Variants in ERC2 observed in about 807,000 individuals in gnomAD.
The protein encoded by ERC2 is ELKS/RAB6-interacting/CAST family member 2.
ERC2 carries 42 observed loss-of-function variants against 114.8 expected under a neutral mutation model. The ratio of observed to expected loss-of-function variants is 0.37; its 90% CI spans 0.29 to 0.47. The LOEUF is 0.47. Ranked by LOEUF, ERC2 falls within the 20% of genes least tolerant of loss-of-function variation. The pLI is 0.99. For missense variants in ERC2, 939 were observed against 1,150.7 expected, an observed-to-expected ratio of 0.82 and a Z score of 2.66; for synonymous variants, 454 against 425.5, an observed-to-expected ratio of 1.07 and a Z score of -0.82.
intron 5 of ERC2, among the ~76,000 whole-genome samples, chr3:56,141,979 G>A (rs2080883202): frequency 6.6e-6 from 1 of 151,930 alleles, no homozygotes; most frequent in Non-Finnish European, 1.5e-5. Flanking sequence ...CCTTTAATGT[G>A]TTTGGAAATG....
At chr3:56,304,654 G>C (rs1388818526) in intron 2 of ERC2, among the ~76,000 whole-genome samples, 1 of 152,052 alleles carries the variant, frequency 6.6e-6, no homozygotes, top group Non-Finnish European at 1.5e-5. Context: ...ATATTAAAAA[G>C]GTAATACATC....
chr3:56,377,906 C>T (rs898018764), intron 2 of ERC2, among the ~76,000 whole-genome samples: 1 of 151,914 alleles, frequency 6.6e-6, no homozygotes, highest in Admixed American at 6.6e-5. Context: ...GAGCATCCAA[C>T]CTAGCAAGCA....
intron 7 of ERC2, among the ~76,000 whole-genome samples, chr3:56,078,666 C>T (rs1029281117): frequency 2.6e-5 from 4 of 152,116 alleles, no homozygotes; most frequent in Admixed American, 1.3e-4. Context: ...TGTAACATAA[C>T]CTTGGCCAAT....
At chr3:55,605,262 T>C (rs979691696) in intron 17 of ERC2, among the ~76,000 whole-genome samples, 25 of 152,112 alleles carry the variant, frequency 1.6e-4, no homozygotes, top group African/African-American at 5.8e-4. Context: ...ACTACAGGCA[T>C]GCACCACCAT....
intron 13 of ERC2, among the ~76,000 whole-genome samples, chr3:55,928,771 G>C (rs574069185): frequency 6.6e-6 from 1 of 152,150 alleles, no homozygotes; most frequent in Non-Finnish European, 1.5e-5. Flanking sequence ...TCTACATTTT[G>C]ATTTGATTTT....
chr3:55,561,679 T>TTTTTTTTTCCCC (rs1344257637), intron 17 of ERC2, among the ~76,000 whole-genome samples: 4 of 152,302 alleles, frequency 2.6e-5, no homozygotes, highest in Non-Finnish European at 4.4e-5. Flanking sequence ...ACTCGCTTTT[T>TTTTTTTTTCCCC]TTCTTGCCCT....
At chr3:56,032,917 A>AAGAAAGAGAGAGAGAGAGAC (rs2074482382) in intron 7 of ERC2, among the ~76,000 whole-genome samples, 10 of 76,012 alleles carry the variant, frequency 1.3e-4, no homozygotes, top group Non-Finnish European at 2.3e-4. Context: ...GAAAGAAAGA[A>AAGAAAGAGAGAGAGAGAGAC]AGAAAGAAAG....
intron 3 of ERC2, among the ~76,000 whole-genome samples, chr3:56,190,485 G>C (rs1158747071): frequency 6.6e-6 from 1 of 152,204 alleles, no homozygotes; most frequent in Non-Finnish European, 1.5e-5. Flanking sequence ...CCAGGCTAGA[G>C]TACAGTGGTG....
chr3:56,403,708 T>C (rs1344584602), intron 2 of ERC2, among the ~76,000 whole-genome samples: 1 of 152,208 alleles, frequency 6.6e-6, no homozygotes, highest in Non-Finnish European at 1.5e-5. Flanking sequence ...CCCAAACATC[T>C]GAGGTCACTT....
chr3:55,793,287 G>A (rs1016791043), intron 14 of ERC2, among the ~76,000 whole-genome samples: 1 of 152,246 alleles, frequency 6.6e-6, no homozygotes, highest in East Asian at 1.9e-4. Context: ...GAGAACTCCT[G>A]GTTTAGCCTT....
chr3:55,785,356 G>A (rs2069400061), intron 14 of ERC2, among the ~76,000 whole-genome samples: 1 of 152,156 alleles, frequency 6.6e-6, no homozygotes, highest in Admixed American at 6.5e-5. Flanking sequence ...AGATGCTGTT[G>A]AACTCATAAG....
chr3:56,070,288 T>C (rs954209810), intron 7 of ERC2, among the ~76,000 whole-genome samples: 4 of 152,162 alleles, frequency 2.6e-5, no homozygotes, highest in African/African-American at 9.6e-5. Flanking sequence ...CTGAAATATG[T>C]AAAGGCTCAA....
chr3:56,367,829 T>C (rs1405449640), intron 2 of ERC2, among the ~76,000 whole-genome samples: 1 of 149,092 alleles, frequency 6.7e-6, no homozygotes, highest in East Asian at 2.0e-4. Context: ...TTAAAAAAAA[T>C]CAAGAGCTGA....
chr3:56,210,135 T>C (rs11707901), intron 3 of ERC2, among the ~76,000 whole-genome samples: 45,892 of 152,088 alleles, frequency 0.3, 8,493 homozygotes, highest in Middle Eastern at 0.42. Context: ...TAGTTCTCTT[T>C]TGTGCAAGAG....
In ERC2 at chr3:56,434,884, T is replaced by G. The variant is rs1284031046; in HGVS notation, c.124A>C (p.Lys42Gln). 5 of 1,613,764 alleles carry G rather than the reference T, an allele frequency of 3.1e-6. No individual in the cohort carries two copies. The highest frequency in any genetic ancestry group is 4.2e-6 in the Non-Finnish European group (5 of 1,179,892). ...TSSGGGGGTG[K>Q]TLSMENIQSL... ...TGGATATTCTCCATAGACAGAGTCT[T>G]GCCTGTTCCTCCACCTCCCCCACTA... is the stretch of plus-strand genomic sequence containing the variant. The change falls in exon 2 of 18, where the codon AAG becomes CAG. Residue 42 changes from lysine (K) to glutamine (Q), a missense_variant. Physicochemically the swap from Lys to Gln is moderately conservative, Grantham distance 53. Coordinates refer to ENST00000288221, the MANE Select transcript of ERC2 (RefSeq NM_015576.3).
At chr3:56,288,366 C>A (rs1475245758) in intron 3 of ERC2, among the ~76,000 whole-genome samples, 1 of 152,162 alleles carries the variant, frequency 6.6e-6, no homozygotes, top group Non-Finnish European at 1.5e-5. Flanking sequence ...GAGCCTCTCT[C>A]AGCATAACCT....
rs1000705995 is a variant in ERC2 at position 56,228,917 on chromosome 3, C to A, written c.1075-55397G>T. Among the ~76,000 whole-genome samples, 10 of 152,138 alleles carry A rather than the reference C, an allele frequency of 6.6e-5. No homozygotes were observed. In the South Asian group the frequency reaches 2.1e-3, roughly 32 times the overall value. ...TGGCTTTTTGGGGGATGGGGTAGGG[C>A]AGGGAGGGGTTCCAGTTCATGTTTT... On this transcript the variant is annotated intron_variant, in intron 3 of 17. Coordinates refer to ENST00000288221, the MANE Select transcript of ERC2 (RefSeq NM_015576.3).
In ERC2 at chr3:56,209,020, A is replaced by T. The variant is rs555427922; in HGVS notation, c.1075-35500T>A. ...AGTTTCTACAGTATAGACATAGTCAAATCTGATCACTCCCCTCCTCTGCTG... is the reference window on the plus strand; with the variant it reads ...AGTTTCTACAGTATAGACATAGTCATATCTGATCACTCCCCTCCTCTGCTG... On this transcript the variant is annotated intron_variant, in intron 3 of 17. Transcript: ENST00000288221. Among the ~76,000 whole-genome samples the T allele has an allele frequency of 6.1e-4, 93 of 152,248 alleles. 1 individual carries two copies. The South Asian group carries it at 0.019, about 32-fold the overall frequency.
At chr3:55,703,946 A>G (rs1223340416) in intron 15 of ERC2, among the ~76,000 whole-genome samples, 2 of 152,152 alleles carry the variant, frequency 1.3e-5, no homozygotes, top group South Asian at 2.1e-4. Flanking sequence ...GCAATACTCT[A>G]CCACCTCCCT....
Sources: gnomAD v4.1 joint callset for allele counts (sites outside exome capture counted in the v4.1 genomes callset) on GRCh38, gnomAD v4.1.1 for gene constraint, MANE v1.5 for transcripts, NCBI Gene and HGNC (gene_info 2026-07-23, HGNC 2026-07-21) for gene names.